Variants in IQCM observed in about 807,000 individuals in gnomAD.
IQCM encodes the protein IQ motif containing M.
A neutral mutation model predicts 57.6 loss-of-function variants in IQCM; 45 were observed. That is an observed-to-expected ratio of 0.78 (90% confidence interval 0.62 to 1.00). The LOEUF (loss-of-function observed/expected upper bound fraction) is 1.00, where lower values mean the gene tolerates loss of function less well. IQCM is among the 50% of genes least tolerant of loss of function. The probability of loss-of-function intolerance (pLI) is 0.00; values close to 1 mark genes in which losing one functional copy is unlikely to be tolerated. For synonymous variants in IQCM, 148 were observed against 158.9 expected (o/e 0.93, Z 0.51); for missense variants, 468 against 511.6 (o/e 0.91, Z 0.82).
chr4:149,772,014 T>C (rs1441968342), intron 2 of IQCM, among the ~76,000 whole-genome samples: 1 of 152,160 alleles, frequency 6.6e-6, no homozygotes, highest in East Asian at 1.9e-4. Flanking sequence ...CTGGTAAAAA[T>C]GTCCTGGCTG....
At chr4:149,710,666 C>T (rs1271652244) in intron 5 of IQCM, among the ~76,000 whole-genome samples, 2 of 152,096 alleles carry the variant, frequency 1.3e-5, no homozygotes, top group Non-Finnish European at 2.9e-5. Flanking sequence ...AATATTCTAA[C>T]CTTTAAAATA....
At chr4:149,358,233 GT>G (rs1490887121) in intron 13 of IQCM, among the ~76,000 whole-genome samples, 2 of 152,068 alleles carry the variant, frequency 1.3e-5, no homozygotes, top group African/African-American at 4.8e-5. Context: ...GGTTTTTTGT[GT>G]CTCTAGTTCC....
intron 7 of IQCM, among the ~76,000 whole-genome samples, chr4:149,625,823 A>G (rs2726774): frequency 0.5 from 76,258 of 151,944 alleles, 19,442 homozygotes; most frequent in South Asian, 0.59. Context: ...TACTCAGCAT[A>G]CCAAGGCACC....
chr4:149,394,034 C>T (rs1242686154), intron 13 of IQCM, among the ~76,000 whole-genome samples: 1 of 151,952 alleles, frequency 6.6e-6, no homozygotes, highest in Non-Finnish European at 1.5e-5. Flanking sequence ...ATTTCACATG[C>T]ATTTCTTCAT....
In IQCM at chr4:149,439,460, A is replaced by G. The variant is rs570335867; in HGVS notation, c.1229-5903T>C. Among the ~76,000 whole-genome samples the G allele has an allele frequency of 2.6e-5, 4 of 152,162 alleles. No homozygotes were observed. In the South Asian group the frequency reaches 6.2e-4, roughly 24 times the overall value. ...ATATCACTATATATAAATAAATTTT[A>G]TAGCTGCCCAAAACACTAAAATACT... On this transcript the variant is annotated intron_variant, in intron 12 of 13. Transcript: ENST00000636793.
intron 2 of IQCM, among the ~76,000 whole-genome samples, chr4:149,762,289 G>A (rs970050331): frequency 6.6e-6 from 1 of 151,166 alleles, no homozygotes; most frequent in African/African-American, 2.4e-5. Flanking sequence ...GGGTAGGGAG[G>A]ACAGGCCTCA....
intron 7 of IQCM, among the ~76,000 whole-genome samples, chr4:149,669,513 GC>G (rs1288688625): frequency 4.6e-5 from 7 of 152,124 alleles, no homozygotes; most frequent in Non-Finnish European, 1.0e-4. Flanking sequence ...GGCTTTTGTT[GC>G]CATTGCTTTT....
intron 1 of IQCM, 94 bp from the exon 2 acceptor site, chr4:149,815,442 A>T (rs536805436): frequency 6.6e-6 from 1 of 152,134 alleles, no homozygotes; most frequent in Non-Finnish European, 1.5e-5. Flanking sequence ...AAGCAAAAAA[A>T]TTTATAAACA....
At chr4:149,432,215 G>C (rs758431150) in intron 13 of IQCM, among the ~76,000 whole-genome samples, 3 of 151,644 alleles carry the variant, frequency 2.0e-5, no homozygotes, top group Non-Finnish European at 2.9e-5. Context: ...TCCTTGTTTG[G>C]TATCATTAGA....
intron 8 of IQCM, among the ~76,000 whole-genome samples, chr4:149,609,482 A>G (rs1434835729): frequency 1.3e-5 from 2 of 151,900 alleles, no homozygotes; most frequent in Non-Finnish European, 2.9e-5. Flanking sequence ...AGATACAAAA[A>G]TCCTCCAAAA....
chr4:149,806,567 A>G (rs1309987209), intron 2 of IQCM, among the ~76,000 whole-genome samples: 1 of 152,034 alleles, frequency 6.6e-6, no homozygotes, highest in Non-Finnish European at 1.5e-5. Context: ...ACATATGAGT[A>G]GGAACAGGTG....
intron 5 of IQCM, among the ~76,000 whole-genome samples, chr4:149,713,760 GC>G (rs34186830): frequency 0.21 from 31,298 of 151,778 alleles, 3,381 homozygotes; most frequent in East Asian, 0.29. Context: ...CCCATCTAAG[GC>G]CCAACCCCTG....
At position 149,728,348 on chromosome 4, in the gene IQCM, A is replaced by G. The variant is rs116183757; in HGVS notation, c.385+4896T>C. On this transcript the variant is annotated intron_variant, in intron 5 of 13. Coordinates refer to ENST00000636793, the MANE Select transcript of IQCM (RefSeq NM_001363507.2). ...CCAATTTACTTGTGATGTACTCTCA[A>G]TCTGTATATATGTGATTGTTAATTG... is the stretch of plus-strand genomic sequence containing the variant. Among the ~76,000 whole-genome samples the G allele has an allele frequency of 1.3e-3, 200 of 152,296 alleles. 1 individual carries two copies. Among genetic ancestry groups the G allele is most frequent in the African/African-American group, 4.7e-3 (194 of 41,562 alleles).
At chr4:149,628,054 T>C (rs1370338577) in intron 7 of IQCM, among the ~76,000 whole-genome samples, 1 of 152,182 alleles carries the variant, frequency 6.6e-6, no homozygotes, top group Non-Finnish European at 1.5e-5. Flanking sequence ...TTCAGTGAAA[T>C]TGATTTCAAA....
chr4:149,356,918 C>T (rs1729037388), intron 13 of IQCM, among the ~76,000 whole-genome samples: 2 of 152,122 alleles, frequency 1.3e-5, no homozygotes, highest in African/African-American at 2.4e-5. Flanking sequence ...TCTTTTATTT[C>T]ATTGAGCCAT....
chr4:149,377,294 T>C (rs1017972441), intron 13 of IQCM, among the ~76,000 whole-genome samples: 3 of 152,144 alleles, frequency 2.0e-5, no homozygotes, highest in Admixed American at 1.3e-4. Context: ...ATTCAAGACA[T>C]AAAGCAATTA....
chr4:149,797,709 G>A (rs1237621660), intron 2 of IQCM, among the ~76,000 whole-genome samples: 1 of 151,758 alleles, frequency 6.6e-6, no homozygotes, highest in Non-Finnish European at 1.5e-5. Flanking sequence ...ACATATAATA[G>A]AGGTGTAATA....
At chr4:149,484,408 T>C (rs1180923092) in intron 12 of IQCM, among the ~76,000 whole-genome samples, 1 of 152,010 alleles carries the variant, frequency 6.6e-6, no homozygotes, top group Non-Finnish European at 1.5e-5. Flanking sequence ...CTCCTTTCAA[T>C]GAAGGTGATT....
intron 7 of IQCM, among the ~76,000 whole-genome samples, chr4:149,626,405 A>ATATATATAT (rs1554010309): frequency 1.7e-5 from 2 of 119,614 alleles, no homozygotes; most frequent in Non-Finnish European, 3.6e-5. Flanking sequence ...ATATATATAT[A>ATATATATAT]AGTTTATAGC....
Sources: allele counts gnomAD v4.1 joint callset (sites outside exome capture counted in the v4.1 genomes callset), GRCh38; gene constraint gnomAD v4.1.1; transcripts MANE v1.5; gene names NCBI Gene and HGNC (gene_info 2026-07-23, HGNC 2026-07-21).